The following AKAP9 variants were observed in gnomAD, a reference collection of about 807,000 sequenced individuals.
The protein encoded by AKAP9 is A-kinase anchoring protein 9, also known as A-kinase anchor protein 9.
AKAP9 carries 311 observed loss-of-function variants against 488.5 expected under a neutral mutation model. That is an observed-to-expected ratio of 0.64 (90% CI 0.58 to 0.70). The LOEUF (loss-of-function observed/expected upper bound fraction) is 0.70. AKAP9 is among the 30% of genes least tolerant of loss of function. The pLI, the probability that AKAP9 is intolerant of heterozygous loss-of-function variation, is 0.00. For missense variants in AKAP9, 4,215 were observed against 4,374.5 expected (o/e 0.96, Z 1.03); for synonymous variants, 1,462 against 1,483.5 (o/e 0.99, Z 0.33).
chr7:92,013,271 G>A (rs1001315382), intron 9 of AKAP9, among the ~76,000 whole-genome samples: 3 of 151,930 alleles, frequency 2.0e-5, no homozygotes, highest in Non-Finnish European at 4.4e-5. Flanking sequence ...GATTACAGGC[G>A]TGAGCCACCG....
chr7:92,004,470 G>A (rs1799555808), intron 8 of AKAP9, among the ~76,000 whole-genome samples: 1 of 152,134 alleles, frequency 6.6e-6, no homozygotes, highest in Admixed American at 6.5e-5. Flanking sequence ...TCTTCCATTT[G>A]TTTGTATCCT....
rs569493293 is a variant in AKAP9, at chr7:92,066,074, G to A, written c.6211-353G>A. Reference sequence around the variant, plus strand: ...CCAAACAATTTGTTTTATGGATTTTGTTTAATGGCTAAACTAACATGGAAT... The same window carrying A: ...CCAAACAATTTGTTTTATGGATTTTATTTAATGGCTAAACTAACATGGAAT... On this transcript the variant is annotated intron_variant, in intron 25 of 49. Coordinates refer to ENST00000356239, the MANE Select transcript of AKAP9 (RefSeq NM_005751.5). Among the ~76,000 whole-genome samples the A allele has an allele frequency of 2.0e-5, 3 of 152,114 alleles. No homozygotes were observed. The East Asian group carries it at 5.8e-4, about 29-fold the overall frequency.
intron 1 of AKAP9, among the ~76,000 whole-genome samples, chr7:91,967,099 C>A (rs1339541109): frequency 6.6e-6 from 1 of 151,716 alleles, no homozygotes; most frequent in East Asian, 1.9e-4. Flanking sequence ...TGATTACTTT[C>A]TTGATTTCTT....
intron 43 of AKAP9, among the ~76,000 whole-genome samples, chr7:92,098,922 CTG>C (rs920549765): frequency 4.6e-5 from 7 of 152,172 alleles, no homozygotes; most frequent in Non-Finnish European, 1.0e-4. Flanking sequence ...GACTTCTGTC[CTG>C]TGTTCCAGGT....
At chr7:92,016,896 ATC>A in intron 11 of AKAP9, 119 bp from the exon 12 acceptor site, 1 of 704,286 alleles carries the variant, frequency 1.4e-6, no homozygotes, top group Non-Finnish European at 2.5e-6. Context: ...GTTACTAAAT[ATC>A]TGAGGTTTAC....
At chr7:92,096,443 G>A (rs1337570264) in intron 40 of AKAP9, among the ~76,000 whole-genome samples, 2 of 149,990 alleles carry the variant, frequency 1.3e-5, no homozygotes, top group South Asian at 2.1e-4. Context: ...CAAGCAATTC[G>A]CCTGCCTCAG....
intron 1 of AKAP9, among the ~76,000 whole-genome samples, chr7:91,945,058 AAAC>A (rs1419415628): frequency 6.6e-5 from 10 of 152,282 alleles, no homozygotes; most frequent in South Asian, 2.1e-4. Flanking sequence ...TAAAAAGAAA[AAAC>A]AACAACAACA....
At chr7:91,986,010 C>T (rs1297878148) in intron 3 of AKAP9, among the ~76,000 whole-genome samples, 1 of 152,124 alleles carries the variant, frequency 6.6e-6, no homozygotes, top group African/African-American at 2.4e-5. Flanking sequence ...CCTCTTTGTA[C>T]CTCTGGTAGA....
In AKAP9 at chr7:92,040,730, T is replaced by TGAA; in HGVS notation, c.4753_4755dup (p.Glu1585dup). 6.2e-7 allele frequency: 1 copy of TGAA among 1,612,780 alleles called. No individual in the cohort carries two copies. The highest frequency in any genetic ancestry group is 8.5e-7 in the Non-Finnish European group (1 of 1,179,828). ...ATGCTTCTAGACAACTAATGTTGAATGAAGAACAGTTGGAAGATATGAGAC... is the reference window on the plus strand; with the variant it reads ...ATGCTTCTAGACAACTAATGTTGAATGAAGAAGAACAGTTGGAAGATATGAGAC... On this transcript the variant is annotated inframe_insertion, in exon 18 of 50. Transcript: ENST00000356239.
chr7:92,061,388 A>G lies in AKAP9; in HGVS notation c.5730A>G (p.Arg1910=). 1 of 1,612,906 alleles carries G rather than the reference A, an allele frequency of 6.2e-7. No homozygotes were observed. The highest frequency in any genetic ancestry group is 8.5e-7 in the Non-Finnish European group (1 of 1,179,432). ...GCCTTCATGAGGAGTCCAGGGCCAG[A>G]GAACAGCTAGCTGTGGAGCTCAGTA... is the stretch of plus-strand genomic sequence containing the variant. The part of the protein sequence containing the change: ...RERLHEESRA[R]EQLAVELSKA... The change falls in exon 23 of 50, where the codon AGA becomes AGG. Residue 1910 remains arginine (R), a synonymous_variant. Coordinates refer to ENST00000356239, the MANE Select transcript of AKAP9 (RefSeq NM_005751.5).
intron 14 of AKAP9, among the ~76,000 whole-genome samples, chr7:92,027,644 G>A (rs1264850314): frequency 4.1e-4 from 56 of 138,004 alleles, no homozygotes; most frequent in Middle Eastern, 4.4e-3. Flanking sequence ...TGTGAGGAGC[G>A]CCTCTGCCTG....
intron 3 of AKAP9, among the ~76,000 whole-genome samples, chr7:91,980,610 G>A (rs543121002): frequency 1.1e-3 from 155 of 142,816 alleles, no homozygotes; most frequent in African/African-American, 3.9e-3. Context: ...TCTTAGACAT[G>A]TGACTGTTAC....
chr7:92,058,338 T>C (rs1051277840), intron 22 of AKAP9: 2 of 574,178 alleles, frequency 3.5e-6, no homozygotes, highest in Admixed American at 1.9e-5. Flanking sequence ...ACTTCTATTT[T>C]CCATTTTATT....
intron 21 of AKAP9, among the ~76,000 whole-genome samples, chr7:92,050,063 CT>C (rs35146687): frequency 0.24 from 31,054 of 129,602 alleles, 3,371 homozygotes; most frequent in Non-Finnish European, 0.34. Context: ...TTTCAGCAAA[CT>C]TTTTTTTTTT....
intron 37 of AKAP9, 98 bp from the exon 38 acceptor site, chr7:92,089,287 G>A (rs752011860): frequency 3.1e-4 from 419 of 1,356,622 alleles, no homozygotes; most frequent in Non-Finnish European, 4.2e-4. Flanking sequence ...GAAAATTTTA[G>A]TATGTGTGTT....
At chr7:91,972,471 G>C (rs1195343076) in intron 1 of AKAP9, among the ~76,000 whole-genome samples, 1 of 152,152 alleles carries the variant, frequency 6.6e-6, no homozygotes, top group Non-Finnish European at 1.5e-5. Context: ...TCCATGTTTG[G>C]TGATGGGCAG....
At chr7:92,055,407 C>A (rs564400452) in intron 22 of AKAP9, among the ~76,000 whole-genome samples, 2 of 152,002 alleles carry the variant, frequency 1.3e-5, no homozygotes, top group African/African-American at 4.8e-5. Context: ...GGTTATAGGC[C>A]CTCTGTGAAA....
At chr7:92,050,712 G>T (rs1009650182) in intron 21 of AKAP9, among the ~76,000 whole-genome samples, 1 of 151,946 alleles carries the variant, frequency 6.6e-6, no homozygotes, top group African/African-American at 2.4e-5. Flanking sequence ...TACTTCCAAG[G>T]TTTCAACTCT....
Position 91,954,286 on chromosome 7 carries a change from C to T in AKAP9, c.48+13139C>T, listed in dbSNP as rs549654954. Among the ~76,000 whole-genome samples the T allele has an allele frequency of 5.3e-5, 8 of 152,142 alleles. No homozygotes were observed. In the South Asian group the frequency reaches 1.5e-3, roughly 28 times the overall value. ...TGGAATTGTTTCCTACTAAATATAC[C>T]CTTATTTATTTATTTTGAGACAGGG... On this transcript the variant is annotated intron_variant, in intron 1 of 49. Coordinates refer to ENST00000356239, the MANE Select transcript of AKAP9 (RefSeq NM_005751.5).
Sources: gnomAD v4.1 joint callset for allele counts (sites outside exome capture counted in the v4.1 genomes callset) on GRCh38, gnomAD v4.1.1 for gene constraint, MANE v1.5 for transcripts, NCBI Gene and HGNC (gene_info 2026-07-23, HGNC 2026-07-21) for gene names.